EPS15L1: variants seen among roughly 807,000 people sequenced by gnomAD.
EPS15L1 encodes the protein epidermal growth factor receptor pathway substrate 15 like 1.
EPS15L1 carries 43 observed loss-of-function variants against 117.1 expected under a neutral mutation model. The ratio of observed to expected loss-of-function variants is 0.37; its 90% CI spans 0.29 to 0.47. EPS15L1 has a LOEUF of 0.47. EPS15L1 is among the 20% of genes least tolerant of loss of function. EPS15L1 has a pLI of 0.99. For synonymous variants in EPS15L1, 459 were observed against 470.5 expected (o/e 0.98, Z 0.32); for missense variants, 981 against 1,164.0 (o/e 0.84, Z 2.29).
At chr19:16,373,320 G>A (rs2092251066) in intron 22 of EPS15L1, among the ~76,000 whole-genome samples, 1 of 152,154 alleles carries the variant, frequency 6.6e-6, no homozygotes, top group Non-Finnish European at 1.5e-5. Flanking sequence ...AAGCCCTGGG[G>A]TGGCCAGGGG....
At chr19:16,464,804 G>C (rs560041393) in intron 1 of EPS15L1, among the ~76,000 whole-genome samples, 9 of 151,982 alleles carry the variant, frequency 5.9e-5, no homozygotes, top group East Asian at 3.9e-4. Context: ...AAATTCACGG[G>C]TGGGCATGGT....
intron 15 of EPS15L1, 55 bp from the exon 16 acceptor site, chr19:16,402,540 A>G (rs907237962): frequency 5.3e-6 from 8 of 1,507,724 alleles, no homozygotes; most frequent in Middle Eastern, 1.8e-4. Context: ...CATGTCAGAA[A>G]AGACGCTTTT....
chr19:16,461,158 GCC>G (rs1310518570), intron 1 of EPS15L1, among the ~76,000 whole-genome samples: 1 of 151,916 alleles, frequency 6.6e-6, no homozygotes, highest in African/African-American at 2.4e-5. Context: ...ACAAAAATTA[GCC>G]GGGCGTGGTG....
At chr19:16,467,293 C>T (rs1026793715) in intron 1 of EPS15L1, among the ~76,000 whole-genome samples, 20 of 151,712 alleles carry the variant, frequency 1.3e-4, no homozygotes, top group Non-Finnish European at 1.5e-5. Context: ...GGATTACAGG[C>T]GTCCGCCAGG....
rs369501571 is a variant in EPS15L1, at chr19:16,361,763, G to A, written c.2586+16C>T. ...GAAGGGAGTGGGGTGGCCCGGAGGC[G>A]GAGGACTCAACTTACAGAGGTGAAG... On this transcript the variant is annotated intron_variant, in intron 23 of 23. Transcript: ENST00000455140. 5.0e-6 allele frequency: 8 copies of A among 1,607,954 alleles called. No individual in the cohort carries two copies. Among genetic ancestry groups the A allele is most frequent in the South Asian group, 2.2e-5 (2 of 89,964 alleles).
At chr19:16,401,579 T>C in intron 16 of EPS15L1, 1 of 985,526 alleles carries the variant, frequency 1.0e-6, no homozygotes, top group South Asian at 4.7e-5. Context: ...AATGGGAAAC[T>C]ACATGTCCCC....
chr19:16,401,528 C>G, intron 16 of EPS15L1: 4 of 985,716 alleles, frequency 4.1e-6, no homozygotes, highest in Non-Finnish European at 3.6e-6. Flanking sequence ...TCCAGACATG[C>G]GCGGCCCGGC....
chr19:16,455,795 T>C (rs1599679694), intron 1 of EPS15L1, among the ~76,000 whole-genome samples: 1 of 152,138 alleles, frequency 6.6e-6, no homozygotes, highest in Non-Finnish European at 1.5e-5. Flanking sequence ...CCTGGTATCC[T>C]CCTCATCGCC....
intron 9 of EPS15L1, among the ~76,000 whole-genome samples, chr19:16,422,977 G>A (rs1001536461): frequency 6.7e-5 from 10 of 150,204 alleles, no homozygotes; most frequent in South Asian, 2.1e-4. Flanking sequence ...AAAAGGGGGG[G>A]GGGATTTCTC....
rs764537875 is a variant in EPS15L1, at chr19:16,442,209, C to A, written c.44G>T (p.Gly15Val). 1 of 1,613,540 alleles carries A rather than the reference C, an allele frequency of 6.2e-7. No individual in the cohort carries two copies. The highest frequency in any genetic ancestry group is 1.1e-5 in the South Asian group (1 of 91,070). Residue 15 changes from glycine to valine, a missense_variant, in exon 2 of 24, where the codon GGA becomes GTA. Physicochemically the swap from Gly to Val is moderately radical, Grantham distance 109. Transcript: ENST00000455140. ...LIPLSQQIPT[G>V]NSLYESYYKQ... is the part of the protein sequence containing the mutation. ...GTAATAAGATTCATACAACGAATTT[C>A]CAGTGGGAATCTGTAAATGAAACCA... is the stretch of plus-strand genomic sequence containing the variant.
chr19:16,412,722 G>C (rs1343735670), intron 13 of EPS15L1: 7 of 167,674 alleles, frequency 4.2e-5, no homozygotes, highest in Non-Finnish European at 4.7e-5. Context: ...GTGGGGGGGG[G>C]GGGGGTGTCA....
chr19:16,420,950 T>C (rs2092807774), intron 10 of EPS15L1, among the ~76,000 whole-genome samples: 2 of 152,124 alleles, frequency 1.3e-5, no homozygotes, highest in Admixed American at 6.5e-5. Context: ...TGCTAGAGGC[T>C]CCAAGGCCCT....
chr19:16,441,705 A>C (rs965227061), intron 3 of EPS15L1, 187 bp downstream of exon 3: 21 of 478,312 alleles, frequency 4.4e-5, no homozygotes, highest in Non-Finnish European at 7.5e-5. Flanking sequence ...CTGCTACCAA[A>C]GTAGTGGTGG....
Position 16,377,197 on chromosome 19 carries a change from G to A in EPS15L1, c.2305C>T (p.Pro769Ser), listed in dbSNP as rs748357022. 1.2e-5 allele frequency: 20 copies of A among 1,612,924 alleles called. No individual in the cohort carries two copies. In the South Asian group the frequency reaches 1.8e-4, roughly 14 times the overall value. ...SLGGAGFSDDPFKSKQDTPAL... is the reference protein window; with the variant it reads ...SLGGAGFSDDSFKSKQDTPAL... ...GGAGTGTCCTGTTTACTTTTAAAGG[G>A]GTCATCTGAGAATCCTGCCCCTCCC... Residue 769 changes from proline (P) to serine (S), a missense_variant, in exon 22 of 24, where the codon CCC (proline) becomes TCC (serine). Physicochemically the swap from Pro to Ser is moderately conservative, Grantham distance 74 (BLOSUM62 -1). Transcript: ENST00000455140.
chr19:16,359,846 G>C (rs569537982), intron 23 of EPS15L1, among the ~76,000 whole-genome samples: 3 of 151,284 alleles, frequency 2.0e-5, no homozygotes, highest in Non-Finnish European at 2.9e-5. Flanking sequence ...CTGGGCAACA[G>C]AGCGAGACTC....
intron 1 of EPS15L1, among the ~76,000 whole-genome samples, chr19:16,452,645 A>C (rs2093157530): frequency 6.6e-6 from 1 of 152,070 alleles, no homozygotes; most frequent in East Asian, 1.9e-4. Context: ...AAAAAAAAAA[A>C]AAAAAACCTA....
intron 1 of EPS15L1, among the ~76,000 whole-genome samples, chr19:16,466,666 G>A (rs2093308211): frequency 6.6e-6 from 1 of 152,148 alleles, no homozygotes; most frequent in African/African-American, 2.4e-5. Flanking sequence ...ACTTTGGGAG[G>A]CTGAGGCAGA....
intron 1 of EPS15L1, among the ~76,000 whole-genome samples, chr19:16,454,542 T>G (rs888189728): frequency 6.6e-5 from 10 of 152,170 alleles, no homozygotes; most frequent in Non-Finnish European, 1.5e-4. Context: ...GAAGGAATTT[T>G]CATGGATTCT....
At chr19:16,360,166 A>T (rs990137691) in intron 23 of EPS15L1, among the ~76,000 whole-genome samples, 10 of 152,002 alleles carry the variant, frequency 6.6e-5, no homozygotes, top group Middle Eastern at 3.2e-3. Flanking sequence ...CATTTCTTCA[A>T]GCTGCCGTTC....
Sources: allele counts gnomAD v4.1 joint callset (sites outside exome capture counted in the v4.1 genomes callset), GRCh38; gene constraint gnomAD v4.1.1; transcripts MANE v1.5; gene names NCBI Gene and HGNC (gene_info 2026-07-23, HGNC 2026-07-21).